The following CMTM4 variants were observed in gnomAD, a reference collection of about 807,000 sequenced individuals.
The protein encoded by CMTM4 is CKLF like MARVEL transmembrane domain containing 4, also known as CKLF-like MARVEL transmembrane domain-containing protein 4.
CMTM4 carries 8 observed loss-of-function variants against 19.0 expected under a neutral mutation model. The observed-to-expected ratio is 0.42, with a 90% CI of 0.25 to 0.76. CMTM4 has a LOEUF of 0.76. CMTM4 is among the 30% of genes least tolerant of loss of function. CMTM4 has a pLI of 0.27. For missense variants in CMTM4, 228 were observed against 290.2 expected, an observed-to-expected ratio of 0.79 and a Z score of 1.56; for synonymous variants, 106 against 121.1, an observed-to-expected ratio of 0.88 and a Z score of 0.82.
intron 2 of CMTM4, among the ~76,000 whole-genome samples, chr16:66,634,812 C>T (rs2015960052): frequency 6.6e-6 from 1 of 152,148 alleles, no homozygotes; most frequent in Non-Finnish European, 1.5e-5. Context: ...AGTGCTGACA[C>T]TTCACCAATG....
At chr16:66,695,557 G>A (rs373519732) in intron 1 of CMTM4, among the ~76,000 whole-genome samples, 1 of 152,156 alleles carries the variant, frequency 6.6e-6, no homozygotes, top group East Asian at 1.9e-4. Flanking sequence ...AGAGCTGAGA[G>A]GCCCCTGCCC....
intron 2 of CMTM4, 53 bp from the exon 3 acceptor site, chr16:66,623,555 C>G (rs2015679718): frequency 9.2e-6 from 12 of 1,306,052 alleles, no homozygotes; most frequent in Non-Finnish European, 1.3e-5. Context: ...CATCTTTGCT[C>G]TAAAAGCAAC....
chr16:66,603,028 A>T, the CMTM4 span, among the ~76,000 whole-genome samples: 2 of 152,378 alleles, frequency 1.3e-5, no homozygotes, highest in East Asian at 3.9e-4. Context: ...AAAAAGAGAT[A>T]GGAGAAAGGG....
intron 1 of CMTM4, among the ~76,000 whole-genome samples, chr16:66,648,255 G>C (rs1012727322): frequency 3.3e-5 from 5 of 152,252 alleles, no homozygotes; most frequent in African/African-American, 1.2e-4. Context: ...ACATGGGCTA[G>C]AAAGAGTAAG....
chr16:66,681,871 G>A (rs972159915), intron 1 of CMTM4, among the ~76,000 whole-genome samples: 7 of 152,044 alleles, frequency 4.6e-5, no homozygotes, highest in African/African-American at 1.7e-4. Context: ...CGCCTTTCTG[G>A]GCTGGACCCT....
intron 1 of CMTM4, among the ~76,000 whole-genome samples, chr16:66,681,830 T>C (rs1018660331): frequency 1.3e-5 from 2 of 152,214 alleles, no homozygotes; most frequent in African/African-American, 4.8e-5. Flanking sequence ...TACCTTTGCC[T>C]GGTGAACCAC....
At chr16:66,658,217 TAGGG>T (rs967455322) in intron 1 of CMTM4, among the ~76,000 whole-genome samples, 1 of 104,646 alleles carries the variant, frequency 9.6e-6, no homozygotes, top group Non-Finnish European at 1.8e-5. Context: ...AGAAGGGAGG[TAGGG>T]AGGGAGGGAA....
chr16:66,610,037 G>A (rs2015317535), downstream of CMTM4: 1 of 1,609,424 alleles, frequency 6.2e-7, no homozygotes, highest in Non-Finnish European at 8.5e-7. This position sits in a 1 kb window ranked among gnomAD's most constrained non-coding sequence, Gnocchi z 4.6. Flanking sequence ...CAGCAGTGCT[G>A]CAACAGGGGC....
Position 66,696,378 on chromosome 16 carries a change from G to A in CMTM4, c.148C>T (p.Leu50=). 1 of 1,427,102 alleles carries A rather than the reference G, an allele frequency of 7.0e-7. No individual in the cohort carries two copies. Among genetic ancestry groups the A allele is most frequent in the Non-Finnish European group, 9.2e-7 (1 of 1,092,352 alleles). The allele number at this position is 1,427,102 out of a possible 1,614,324, so 88.4% of individuals were successfully genotyped here. A position where few individuals can be genotyped will look rare whatever the true frequency, so the allele number is the denominator to read the frequency against. The change falls in exon 1 of 4, where the codon CTG becomes TTG. Residue 50 remains leucine (L), a synonymous_variant. Transcript: ENST00000394106. The surrounding 1 kb of genome is among the most constrained non-coding windows in gnomAD (Gnocchi z 4.3). ...LAGLRCDPDY[L]RGALGRLKVA... ...TTGAGGCGGCCGAGCGCGCCGCGCA[G>A]GTAGTCGGGGTCGCAGCGCAGGCCG...
At chr16:66,633,695 G>A (rs1430420456) in intron 2 of CMTM4, among the ~76,000 whole-genome samples, 2 of 151,806 alleles carry the variant, frequency 1.3e-5, no homozygotes, top group Non-Finnish European at 2.9e-5. Context: ...GCACATGCCT[G>A]TAATCCCAGC....
chr16:66,692,917 A>AG (rs2017162796), intron 1 of CMTM4, among the ~76,000 whole-genome samples: 2 of 151,548 alleles, frequency 1.3e-5, no homozygotes, highest in African/African-American at 4.9e-5. Flanking sequence ...AAAAAAAAAA[A>AG]AAAATCTAAA....
intron 1 of CMTM4, among the ~76,000 whole-genome samples, chr16:66,687,668 C>T (rs2017059117): frequency 6.6e-6 from 1 of 150,724 alleles, no homozygotes; most frequent in Non-Finnish European, 1.5e-5. Context: ...TAACCAAATA[C>T]CGTAAAAAGG....
At chr16:66,649,634 G>A (rs986831179) in intron 1 of CMTM4, among the ~76,000 whole-genome samples, 10 of 152,148 alleles carry the variant, frequency 6.6e-5, no homozygotes, top group East Asian at 3.9e-4. Flanking sequence ...GGTATGGTCC[G>A]TCCTCAGCAG....
rs1488951499 is a variant in CMTM4, at chr16:66,620,986, G to A, written c.*1072C>T. ...ATGATGTCTACAGTTATGACACTGA[G>A]GCGCCCAAAGCGACAATTAGTGCCT... On this transcript the variant is annotated 3_prime_UTR_variant, in exon 4 of 4. Coordinates refer to ENST00000394106, the MANE Select transcript of CMTM4 (RefSeq NM_181521.3). 1 of 985,718 alleles carries A rather than the reference G, an allele frequency of 1.0e-6. No individual in the cohort carries two copies. Among genetic ancestry groups the A allele is most frequent in the African/African-American group, 1.7e-5 (1 of 57,226 alleles). The allele number at this position is 985,718 out of a possible 1,614,324, so 61.1% of individuals were successfully genotyped here.
chr16:66,687,936 C>T (rs897070001), intron 1 of CMTM4, among the ~76,000 whole-genome samples: 1 of 152,070 alleles, frequency 6.6e-6, no homozygotes, highest in Non-Finnish European at 1.5e-5. Flanking sequence ...ATCTGCCCGC[C>T]TCGGCCTCCC....
At chr16:66,646,397 C>T (rs2016198469) in intron 1 of CMTM4, among the ~76,000 whole-genome samples, 1 of 151,818 alleles carries the variant, frequency 6.6e-6, no homozygotes, top group Non-Finnish European at 1.5e-5. Context: ...ATAATATATA[C>T]ACATATATGT....
chr16:66,633,149 A>ATATATATATAAATATATATATATAAATAT (rs1255199629), intron 2 of CMTM4, among the ~76,000 whole-genome samples: 1 of 146,322 alleles, frequency 6.8e-6, no homozygotes, highest in African/African-American at 2.6e-5. Flanking sequence ...ATATATATCA[A>ATATATATATAAATATATATATATAAATAT]AGTCCCACAA....
the CMTM4 span, among the ~76,000 whole-genome samples, chr16:66,603,153 T>C: frequency 1.3e-5 from 2 of 152,196 alleles, no homozygotes; most frequent in Admixed American, 6.5e-5. Context: ...AGAGTTCTTA[T>C]GAACGGCAGT....
At chr16:66,647,796 G>A (rs769611106) in intron 1 of CMTM4, among the ~76,000 whole-genome samples, 22 of 151,142 alleles carry the variant, frequency 1.5e-4, no homozygotes, top group Admixed American at 7.3e-4. Flanking sequence ...TCAGCCTCCC[G>A]AGTAGCTGGG....
Sources: gnomAD v4.1 joint callset for allele counts (sites outside exome capture counted in the v4.1 genomes callset) on GRCh38, gnomAD v4.1.1 for gene constraint, Gnocchi (gnomAD v3.1) non-coding constraint, MANE v1.5 for transcripts, NCBI Gene and HGNC (gene_info 2026-07-23, HGNC 2026-07-21) for gene names.